PPM1L: variants seen among roughly 807,000 people sequenced by gnomAD.
The protein encoded by PPM1L is protein phosphatase, Mg2+/Mn2+ dependent 1L.
In PPM1L, 13 loss-of-function variants were observed where a neutral mutation model predicts 31.4. That is an observed-to-expected ratio of 0.41 (90% CI 0.27 to 0.66). The LOEUF is 0.66. Among genes scored for constraint, PPM1L ranks in the 30% least tolerant of loss-of-function variants. PPM1L has a pLI of 0.29. For synonymous variants in PPM1L, 184 were observed against 175.4 expected (o/e 1.05, Z -0.39); for missense variants, 326 against 453.7 (o/e 0.72, Z 2.56).
intron 1 of PPM1L, among the ~76,000 whole-genome samples, chr3:160,766,632 C>T (rs1235455233): frequency 6.6e-6 from 1 of 151,730 alleles, no homozygotes; most frequent in Non-Finnish European, 1.5e-5. Context: ...TGTAAATTAC[C>T]CAATCTCAGG....
At chr3:160,927,768 T>C (rs1361756450) in intron 1 of PPM1L, among the ~76,000 whole-genome samples, 1 of 152,216 alleles carries the variant, frequency 6.6e-6, no homozygotes, top group Non-Finnish European at 1.5e-5. Flanking sequence ...GCAGTGACTA[T>C]ATGAATTTAT....
At chr3:161,066,146 G>A (rs1719733733) in intron 3 of PPM1L, among the ~76,000 whole-genome samples, 1 of 152,150 alleles carries the variant, frequency 6.6e-6, no homozygotes, top group African/African-American at 2.4e-5. Context: ...TCACCTCTTT[G>A]AAGACAGGAA....
intron 1 of PPM1L, among the ~76,000 whole-genome samples, chr3:160,943,657 AG>A (rs879558575): frequency 6.6e-6 from 1 of 152,230 alleles, no homozygotes; most frequent in Non-Finnish European, 1.5e-5. Context: ...CTGCTCTTGA[AG>A]GAAAGATTTC....
At chr3:160,767,893 ATC>A (rs1226131099) in intron 1 of PPM1L, among the ~76,000 whole-genome samples, 4 of 152,166 alleles carry the variant, frequency 2.6e-5, no homozygotes, top group African/African-American at 9.6e-5. Flanking sequence ...GCTTTCATTT[ATC>A]GTTTTAATTA....
At chr3:160,852,510 A>T (rs1050457492) in intron 1 of PPM1L, among the ~76,000 whole-genome samples, 3 of 152,172 alleles carry the variant, frequency 2.0e-5, no homozygotes, top group Non-Finnish European at 4.4e-5. Context: ...TAATTTATTG[A>T]TTCAGGACAG....
chr3:161,077,281 C>T lies in PPM1L; in HGVS notation c.*8124C>T, dbSNP rs1241806118. The T allele has an allele frequency of 6.6e-6, 1 of 152,076 alleles. No individual in the cohort carries two copies. The highest frequency in any genetic ancestry group is 1.5e-5 in the Non-Finnish European group (1 of 68,022). The allele number at this position is 152,076 out of a possible 1,614,324, so 9.4% of individuals were successfully genotyped here. ...AGCAAACTGCAGAAGATAATTACTCCATTTTACTAGCTCACCTAGTTTCTG... is the reference window on the plus strand; with the variant it reads ...AGCAAACTGCAGAAGATAATTACTCTATTTTACTAGCTCACCTAGTTTCTG... On this transcript the variant is annotated 3_prime_UTR_variant, in exon 4 of 4. Coordinates refer to ENST00000498165, the MANE Select transcript of PPM1L (RefSeq NM_139245.4).
chr3:161,059,932 C>G (rs571911113), intron 2 of PPM1L, among the ~76,000 whole-genome samples: 1 of 152,092 alleles, frequency 6.6e-6, no homozygotes, highest in African/African-American at 2.4e-5. Context: ...TCCCCAGAAG[C>G]AGAAGCCACT....
chr3:160,914,791 T>C (rs1377357770), intron 1 of PPM1L, among the ~76,000 whole-genome samples: 2 of 152,254 alleles, frequency 1.3e-5, no homozygotes, highest in Non-Finnish European at 2.9e-5. Context: ...TTATAATCCT[T>C]TGGGTATATA....
chr3:160,779,189 T>C (rs1476368485), intron 1 of PPM1L, among the ~76,000 whole-genome samples: 1 of 152,070 alleles, frequency 6.6e-6, no homozygotes, highest in Non-Finnish European at 1.5e-5. Flanking sequence ...AGAGGTGGTG[T>C]TGGGAGAATG....
chr3:160,989,372 G>T (rs1045426784), intron 2 of PPM1L, among the ~76,000 whole-genome samples: 1 of 151,416 alleles, frequency 6.6e-6, no homozygotes, highest in Non-Finnish European at 1.5e-5. Context: ...AAAAAATAAC[G>T]ATTATTTTAT....
chr3:160,985,242 GTGTACCCATCACCCCAGCAGTGTACAC>G (rs1197282162), intron 2 of PPM1L, among the ~76,000 whole-genome samples: 8 of 152,116 alleles, frequency 5.3e-5, no homozygotes, highest in African/African-American at 1.9e-4. Context: ...CGAGATTTTG[GTGTACCCATCACCCCAGCAGTGTACAC>G]TGTACCCAAT....
chr3:160,758,234 A>C (rs930060252), intron 1 of PPM1L, among the ~76,000 whole-genome samples: 1 of 152,162 alleles, frequency 6.6e-6, no homozygotes, highest in African/African-American at 2.4e-5. Flanking sequence ...TTGAGGGAAA[A>C]AAGGCTGTGT....
At chr3:160,849,723 T>A (rs1426906512) in intron 1 of PPM1L, among the ~76,000 whole-genome samples, 2 of 151,314 alleles carry the variant, frequency 1.3e-5, no homozygotes, top group Non-Finnish European at 2.9e-5. Context: ...CACGCCCGGC[T>A]AATTTTTTGT....
At chr3:161,059,810 GGTT>G (rs1462413395) in intron 2 of PPM1L, among the ~76,000 whole-genome samples, 1 of 151,966 alleles carries the variant, frequency 6.6e-6, no homozygotes, top group Non-Finnish European at 1.5e-5. Flanking sequence ...TGTGAGATCT[GGTT>G]GTTTAAAAGT....
intron 1 of PPM1L, among the ~76,000 whole-genome samples, chr3:160,835,801 G>C (rs1487836741): frequency 6.6e-6 from 1 of 152,150 alleles, no homozygotes; most frequent in Non-Finnish European, 1.5e-5. Flanking sequence ...TAGGGAATAT[G>C]ATCAAGAGTT....
chr3:160,796,375 GCT>G (rs1712250929), intron 1 of PPM1L, among the ~76,000 whole-genome samples: 2 of 152,138 alleles, frequency 1.3e-5, no homozygotes, highest in African/African-American at 4.8e-5. Flanking sequence ...CTGCATCTCT[GCT>G]ACCTTTTTTC....
At position 160,839,177 on chromosome 3, in the gene PPM1L, T is replaced by C. The variant is rs182019015; in HGVS notation, c.399+82470T>C. On this transcript the variant is annotated intron_variant, in intron 1 of 3. Transcript: ENST00000498165. ...AAATAAATCTTTATTGTTTATAAAT[T>C]ACCCAGTCTGTGGTAATTGGTTATA... 2.6e-4 allele frequency among the ~76,000 whole-genome samples: 40 copies of C among 152,346 alleles called. No individual in the cohort carries two copies. In the East Asian group the frequency reaches 7.5e-3, roughly 29 times the overall value.
intron 2 of PPM1L, among the ~76,000 whole-genome samples, chr3:161,015,001 T>G (rs1418020618): frequency 6.6e-6 from 1 of 151,782 alleles, no homozygotes; most frequent in Non-Finnish European, 1.5e-5. Flanking sequence ...TCTTTGCTAT[T>G]AAATGGGAAA....
chr3:161,009,588 T>A (rs1465709648), intron 2 of PPM1L, among the ~76,000 whole-genome samples: 1 of 152,190 alleles, frequency 6.6e-6, no homozygotes, highest in African/African-American at 2.4e-5. Context: ...CTGCAGCCTC[T>A]TAAAATGCAG....
Sources: gnomAD v4.1 joint callset for allele counts (sites outside exome capture counted in the v4.1 genomes callset) on GRCh38, gnomAD v4.1.1 for gene constraint, MANE v1.5 for transcripts, NCBI Gene and HGNC (gene_info 2026-07-23, HGNC 2026-07-21) for gene names.